The following FBF1 variants were observed in gnomAD, a reference collection of about 807,000 sequenced individuals.
The protein encoded by FBF1 is Fas binding factor 1, also known as fas-binding factor 1.
FBF1 carries 119 observed loss-of-function variants against 147.2 expected under a neutral mutation model. The ratio of observed to expected loss-of-function variants is 0.81; its 90% CI spans 0.70 to 0.94. The LOEUF (loss-of-function observed/expected upper bound fraction) is 0.94, where lower values mean the gene tolerates loss of function less well. Ranked by LOEUF, FBF1 falls within the 40% of genes least tolerant of loss-of-function variation. FBF1 has a pLI of 0.00. For missense variants in FBF1, 1,449 were observed against 1,500.8 expected, an observed-to-expected ratio of 0.97 and a Z score of 0.57; for synonymous variants, 601 against 609.0, an observed-to-expected ratio of 0.99 and a Z score of 0.19.
At position 75,920,831 on chromosome 17, in the gene FBF1, G is replaced by C. The variant is rs77265364; in HGVS notation, c.1675-402C>G. Among the ~76,000 whole-genome samples the C allele has an allele frequency of 6.5e-4, 21 of 32,194 alleles. No individual in the cohort carries two copies. The African/African-American group carries it at 0.011, about 17-fold the overall frequency. The allele number at this position is 32,194 out of a possible 152,430, so 21.1% of individuals were successfully genotyped here. ...CACCATCTCCCAGGGACACACTCCT[G>C]GGGGGGGGGGGGGCACACCTCCCAG... On this transcript the variant is annotated intron_variant, in intron 17 of 29. Transcript: ENST00000636174.
At chr17:75,916,500 G>A (rs2065490234) in intron 23 of FBF1, among the ~76,000 whole-genome samples, 1 of 151,976 alleles carries the variant, frequency 6.6e-6, no homozygotes, top group Non-Finnish European at 1.5e-5. Context: ...TGCGCCTGTA[G>A]TCCCAGCTAC....
intron 1 of FBF1, chr17:75,939,907 C>A (rs1598165111): frequency 6.6e-6 from 1 of 152,180 alleles, no homozygotes; most frequent in African/African-American, 2.4e-5. Context: ...CAAGGGTTAT[C>A]TGGGCTTACC....
In FBF1 at chr17:75,921,553, C is replaced by G; in HGVS notation, c.1534G>C (p.Val512Leu). ...GCTGAGGCGGCATGGTTCTGAGTCACAGGGGACCTGAGGACACAGGGATGG... is the reference window on the plus strand; with the variant it reads ...GCTGAGGCGGCATGGTTCTGAGTCAGAGGGGACCTGAGGACACAGGGATGG... ...CVRPGVSGSP[V>L]TQNHAASALP... The change falls in exon 16 of 30, where the codon GTG (valine) becomes CTG (leucine). Residue 512 changes from valine to leucine, a missense_variant. Transcript: ENST00000636174. The G allele has an allele frequency of 6.2e-7, 1 of 1,611,702 alleles. No individual in the cohort carries two copies. The highest frequency in any genetic ancestry group is 1.1e-5 in the South Asian group (1 of 90,694).
chr17:75,916,156 CA>C (rs2065488008), intron 23 of FBF1, among the ~76,000 whole-genome samples: 1 of 143,534 alleles, frequency 7.0e-6, no homozygotes. Flanking sequence ...CCCGTTTCTA[CA>C]AAAAATACAA....
chr17:75,921,095 G>A (rs2065523174), intron 17 of FBF1, 149 bp downstream of exon 17: 3 of 775,188 alleles, frequency 3.9e-6, no homozygotes, highest in Admixed American at 4.8e-5. Flanking sequence ...GTTCTAGTGG[G>A]GGGTGCCCGG....
Position 75,926,376 on chromosome 17 carries a change from C to A in FBF1, c.646G>T (p.Glu216Ter), listed in dbSNP as rs1282575456. The A allele has an allele frequency of 6.2e-7, 1 of 1,608,258 alleles. No individual in the cohort carries two copies. Among genetic ancestry groups the A allele is most frequent in the East Asian group, 2.2e-5 (1 of 44,824 alleles). ...TCATCCCCATCATCAAACAACAATT[C>A]TTCTTTTTTTCGGATGGGGGTGTCC... ...PGDTPIRKKE[E>*]LLFDDGDDIM... Residue 216 changes from glutamate (E) to a stop codon, truncating the protein, a stop_gained, in exon 11 of 30, where the codon GAA (glutamate) becomes TAA (stop). Coordinates refer to ENST00000636174, the MANE Select transcript of FBF1 (RefSeq NM_001319193.2). LOFTEE classifies it high-confidence loss of function.
At chr17:75,920,790 C>A (rs978117820) in intron 17 of FBF1, among the ~76,000 whole-genome samples, 1 of 151,048 alleles carries the variant, frequency 6.6e-6, no homozygotes, top group African/African-American at 2.4e-5. Flanking sequence ...CTGGTTCCCA[C>A]GAGCTGTCCC....
chr17:75,913,385 T>G, intron 28 of FBF1: 1 of 228,906 alleles, frequency 4.4e-6, no homozygotes, highest in Non-Finnish European at 8.4e-6. Context: ...TGACCTCAGA[T>G]GATCCGCCTG....
intron 8 of FBF1, 122 bp from the exon 9 acceptor site, chr17:75,927,654 T>C: frequency 1.2e-6 from 1 of 812,440 alleles, no homozygotes; most frequent in South Asian, 1.6e-5. Flanking sequence ...TGGGGGCTCA[T>C]GGCCATGGGC....
chr17:75,918,381 C>A lies in FBF1; in HGVS notation c.2139-112G>T. On this transcript the variant is annotated intron_variant, in intron 20 of 29. Coordinates refer to ENST00000636174, the MANE Select transcript of FBF1 (RefSeq NM_001319193.2). The surrounding 1 kb of genome is among the most constrained non-coding windows in gnomAD (Gnocchi z 5.8). ...CAGCCCTTGCTCCCAGGCCTCTCCT[C>A]CGCCGGGCACTGCCTCAGTTTCCCC... 1 of 799,456 alleles carries A rather than the reference C, an allele frequency of 1.3e-6. No individual in the cohort carries two copies. Among genetic ancestry groups the A allele is most frequent in the Non-Finnish European group, 2.0e-6 (1 of 510,828 alleles). 49.5% of individuals were successfully genotyped at this position (799,456 alleles called of 1,614,324 possible). A position where few individuals can be genotyped will look rare whatever the true frequency, so the allele number is the denominator to read the frequency against.
chr17:75,937,564 A>C lies in FBF1; in HGVS notation c.31+2T>G. The stretch of plus-strand genomic sequence containing the variant: ...AGAGTAATGTTCCATCTCTCCACTC[A>C]CCTTTACATCCTTTCTTGGTTTTTG... On this transcript the variant is annotated splice_donor_variant, in intron 3 of 29. Coordinates refer to ENST00000636174, the MANE Select transcript of FBF1 (RefSeq NM_001319193.2). LOFTEE classifies it high-confidence loss of function. 1 of 1,613,934 alleles carries C rather than the reference A, an allele frequency of 6.2e-7. No individual in the cohort carries two copies. The highest frequency in any genetic ancestry group is 8.5e-7 in the Non-Finnish European group (1 of 1,179,868).
intron 7 of FBF1, 33 bp downstream of exon 7, chr17:75,929,964 C>CCCCCTCCCAAAA: frequency 7.1e-7 from 1 of 1,402,202 alleles, no homozygotes; most frequent in Non-Finnish European, 9.9e-7. Context: ...CACCCACCCC[C>CCCCCTCCCAAAA]AGTTCTAAGA....
chr17:75,920,104 G>T lies in FBF1; in HGVS notation c.1834C>A (p.Arg612=), dbSNP rs765962914. Reference sequence around the variant, plus strand: ...TGGGCCCGTTCTAGCTCCAGCTTCCGCACCTGGGAGACAGCAGGAGGGCCA... The same window carrying T: ...TGGGCCCGTTCTAGCTCCAGCTTCCTCACCTGGGAGACAGCAGGAGGGCCA... ...ARLAELEAQV[R]KLELERAQHE... Residue 612 remains arginine (R), a synonymous_variant, in exon 19 of 30, where the codon CGG becomes AGG. Transcript: ENST00000636174. 6.3e-7 allele frequency: 1 copy of T among 1,583,190 alleles called. No individual in the cohort carries two copies. Among genetic ancestry groups the T allele is most frequent in the African/African-American group, 1.3e-5 (1 of 74,076 alleles).
rs2065451146 is a variant in FBF1, at chr17:75,910,603, T to C, written c.*120A>G. The C allele has an allele frequency of 4.8e-6, 4 of 829,868 alleles. No homozygotes were observed. The highest frequency in any genetic ancestry group is 2.4e-5 in the Admixed American group (1 of 40,872). 51.4% of individuals were successfully genotyped at this position (829,868 alleles called of 1,614,324 possible). On this transcript the variant is annotated 3_prime_UTR_variant, in exon 30 of 30. Coordinates refer to ENST00000636174, the MANE Select transcript of FBF1 (RefSeq NM_001319193.2). The surrounding 1 kb of genome is among the most constrained non-coding windows in gnomAD (Gnocchi z 4.1). ...ACTTGCACCCTGTCCACGGAAGAGC[T>C]GTCATCAGGCCTCAAGCATCTCAGA...
In FBF1 at chr17:75,923,358, G is replaced by T; in HGVS notation, c.1252C>A (p.Pro418Thr). ...AKPPTEGAGS[P>T]AKASQASKLR... ...TTGGAAGCCTGGCTGGCTTTGGCAG[G>T]GGACCCTGCACCTTCAGTTGGTGGC... is the stretch of plus-strand genomic sequence containing the variant. Residue 418 changes from proline to threonine, a missense_variant, in exon 14 of 30, where the codon CCT becomes ACT. Physicochemically the swap from Pro to Thr is conservative, Grantham distance 38. Transcript: ENST00000636174. This position sits in a 1 kb window ranked among gnomAD's most constrained non-coding sequence, Gnocchi z 4.1. 1.2e-6 allele frequency: 2 copies of T among 1,605,178 alleles called. No individual in the cohort carries two copies. Among genetic ancestry groups the T allele is most frequent in the East Asian group, 2.2e-5 (1 of 44,606 alleles).
chr17:75,926,508 C>T, intron 10 of FBF1, 82 bp from the exon 11 acceptor site: 1 of 1,462,256 alleles, frequency 6.8e-7, no homozygotes. Context: ...GGTGGTTTCT[C>T]TGCACCTTTG....
chr17:75,926,088 G>C lies in FBF1; in HGVS notation c.810C>G (p.Arg270=). 6.2e-7 allele frequency: 1 copy of C among 1,612,478 alleles called. No individual in the cohort carries two copies. The highest frequency in any genetic ancestry group is 1.3e-5 in the African/African-American group (1 of 75,052). The change falls in exon 12 of 30, where the codon CGC becomes CGG. Residue 270 remains arginine (R), a synonymous_variant. Coordinates refer to ENST00000636174, the MANE Select transcript of FBF1 (RefSeq NM_001319193.2). ...GRGMATKLLA[R]PGTGEHREFK... ...ACTCCCTGTGCTCCCCGGTGCCCGG[G>C]CGGGCCAGGAGTTTGGTGGCCATGC...
At chr17:75,929,964 C>CCCCCCCCTCCA in intron 7 of FBF1, 33 bp downstream of exon 7, 1 of 1,402,202 alleles carries the variant, frequency 7.1e-7, no homozygotes, top group Non-Finnish European at 9.9e-7. Context: ...CACCCACCCC[C>CCCCCCCCTCCA]AGTTCTAAGA....
intron 4 of FBF1, among the ~76,000 whole-genome samples, chr17:75,933,714 C>T (rs902676723): frequency 3.9e-5 from 6 of 152,010 alleles, no homozygotes; most frequent in African/African-American, 4.8e-5. Context: ...TTTAACTCAA[C>T]GATAAAAAGA....
Sources: allele counts gnomAD v4.1 joint callset (sites outside exome capture counted in the v4.1 genomes callset), GRCh38; gene constraint gnomAD v4.1.1; non-coding constraint Gnocchi (gnomAD v3.1); transcripts MANE v1.5; gene names NCBI Gene and HGNC (gene_info 2026-07-23, HGNC 2026-07-21).